The following TRPC4 variants were observed in gnomAD, a reference collection of about 807,000 sequenced individuals.
The protein encoded by TRPC4 is transient receptor potential cation channel subfamily C member 4, also known as short transient receptor potential channel 4.
A neutral mutation model predicts 99.4 loss-of-function variants in TRPC4; 49 were observed. The ratio of observed to expected loss-of-function variants is 0.49; its 90% CI spans 0.39 to 0.63. The LOEUF is 0.63. Among genes scored for constraint, TRPC4 ranks in the 20% least tolerant of loss-of-function variants. The pLI is 0.00. For missense variants in TRPC4, 898 were observed against 1,152.9 expected, an observed-to-expected ratio of 0.78 and a Z score of 3.20; for synonymous variants, 454 against 425.9, an observed-to-expected ratio of 1.07 and a Z score of -0.81.
chr13:37,638,944 C>T, intron 10 of TRPC4, 96 bp downstream of exon 10: 1 of 1,271,138 alleles, frequency 7.9e-7, no homozygotes, highest in Non-Finnish European at 1.1e-6. Flanking sequence ...CTTGCTGGAA[C>T]ACACAGCTGC....
At chr13:37,852,326 T>G (rs1186647658) in intron 1 of TRPC4, among the ~76,000 whole-genome samples, 1 of 152,088 alleles carries the variant, frequency 6.6e-6, no homozygotes, top group Non-Finnish European at 1.5e-5. Flanking sequence ...GCAGAGGCAT[T>G]CAAGGCCCTA....
intron 8 of TRPC4, among the ~76,000 whole-genome samples, chr13:37,641,323 G>A (rs565359872): frequency 1.4e-4 from 21 of 152,254 alleles, no homozygotes; most frequent in South Asian, 1.0e-3. Context: ...CCTTTCAGGC[G>A]TTATTCAGTT....
chr13:37,863,201 T>C (rs1269994825), intron 1 of TRPC4, among the ~76,000 whole-genome samples: 1 of 151,542 alleles, frequency 6.6e-6, no homozygotes, highest in Non-Finnish European at 1.5e-5. Flanking sequence ...GACTGCATGA[T>C]CATATAGAAA....
intron 5 of TRPC4, 25 bp from the exon 6 acceptor site, chr13:37,663,754 G>A: frequency 1.3e-6 from 2 of 1,573,050 alleles, no homozygotes; most frequent in Non-Finnish European, 1.7e-6. Context: ...GAAACAAAGG[G>A]AAAGTAAAAC....
chr13:37,749,663 T>C (rs995854251), intron 2 of TRPC4, among the ~76,000 whole-genome samples: 27 of 152,192 alleles, frequency 1.8e-4, no homozygotes, highest in South Asian at 6.2e-4. Context: ...ACATGGTTTT[T>C]GAAAGTCTGA....
Position 37,749,126 on chromosome 13 carries a change from C to T in TRPC4, c.379-2671G>A, listed in dbSNP as rs1955864981. Among the ~76,000 whole-genome samples the T allele has an allele frequency of 3.3e-5, 5 of 152,048 alleles. No homozygotes were observed. In the South Asian group the frequency reaches 1.0e-3, roughly 32 times the overall value. On this transcript the variant is annotated intron_variant, in intron 2 of 10. Coordinates refer to ENST00000379705, the MANE Select transcript of TRPC4 (RefSeq NM_016179.4). ...TGGCACTTCCCCTTTCTTGCTCTCT[C>T]TCTCTCCTGCTGCCATGTAAGATGT...
chr13:37,655,363 G>GTTT, intron 6 of TRPC4, 80 bp from the exon 7 acceptor site: 1 of 448,748 alleles, frequency 2.2e-6, no homozygotes, highest in Non-Finnish European at 3.1e-6. Flanking sequence ...AGCTTGGCAT[G>GTTT]ATTATATATA....
chr13:37,767,592 A>G (rs1956413442), intron 2 of TRPC4, among the ~76,000 whole-genome samples: 1 of 151,294 alleles, frequency 6.6e-6, no homozygotes, highest in Admixed American at 6.6e-5. Context: ...AAAAATATAT[A>G]TATTCCCACA....
intron 1 of TRPC4, among the ~76,000 whole-genome samples, chr13:37,862,058 A>T (rs1410805851): frequency 6.6e-6 from 1 of 151,454 alleles, no homozygotes; most frequent in East Asian, 1.9e-4. Flanking sequence ...CTTTCGATAG[A>T]CGTAGCTGTA....
chr13:37,654,517 T>C (rs1952158357), intron 7 of TRPC4, among the ~76,000 whole-genome samples: 1 of 152,162 alleles, frequency 6.6e-6, no homozygotes, highest in South Asian at 2.1e-4. Flanking sequence ...ATTGAATGAA[T>C]AAATAAATAA....
chr13:37,837,882 C>A (rs1958610513), intron 1 of TRPC4, among the ~76,000 whole-genome samples: 1 of 152,058 alleles, frequency 6.6e-6, no homozygotes, highest in African/African-American at 2.4e-5. Context: ...GTGGGAGGGA[C>A]CCAGTGGGAG....
At chr13:37,696,345 A>G (rs2138905086) in intron 3 of TRPC4, among the ~76,000 whole-genome samples, 1 of 150,842 alleles carries the variant, frequency 6.6e-6, no homozygotes. Flanking sequence ...AACTATCTAG[A>G]AAAGTGAACT....
chr13:37,689,253 T>C (rs1050525675), intron 4 of TRPC4, among the ~76,000 whole-genome samples: 2 of 152,138 alleles, frequency 1.3e-5, no homozygotes, highest in Non-Finnish European at 2.9e-5. Flanking sequence ...TGACCACCCA[T>C]AATTTAATAG....
intron 3 of TRPC4, among the ~76,000 whole-genome samples, chr13:37,739,737 C>T (rs1407793769): frequency 1.3e-5 from 2 of 151,950 alleles, no homozygotes; most frequent in Non-Finnish European, 2.9e-5. Context: ...AACTCCTGAC[C>T]TTGTGACCTG....
In TRPC4 at chr13:37,665,265, C is replaced by G. The variant is rs114367097; in HGVS notation, c.1375-1536G>C. ...TCCGTAACTATTGATAGCTGTCCCC[C>G]TATAATTGATAGCTAATTCTATCAG... On this transcript the variant is annotated intron_variant, in intron 5 of 10. Coordinates refer to ENST00000379705, the MANE Select transcript of TRPC4 (RefSeq NM_016179.4). Among the ~76,000 whole-genome samples, 579 of 152,188 alleles carry G rather than the reference C, an allele frequency of 3.8e-3. 2 individuals are homozygous for G. The highest frequency in any genetic ancestry group is 0.013 in the African/African-American group (546 of 41,514).
Position 37,638,351 on chromosome 13 carries a change from GT to G in TRPC4, c.2211+688del, listed in dbSNP as rs1157411041. On this transcript the variant is annotated intron_variant, in intron 10 of 10. Coordinates refer to ENST00000379705, the MANE Select transcript of TRPC4 (RefSeq NM_016179.4). ...AGCTAGTTTTCCACCTGCACTTTAA[GT>G]TTTGTAATTTCTCTATCTTCTTACC... 2.6e-5 allele frequency among the ~76,000 whole-genome samples: 4 copies of G among 152,162 alleles called. No individual in the cohort carries two copies. In the East Asian group the frequency reaches 7.7e-4, roughly 29 times the overall value.
chr13:37,827,433 T>G (rs1372293147), intron 1 of TRPC4, among the ~76,000 whole-genome samples: 1 of 152,302 alleles, frequency 6.6e-6, no homozygotes, highest in Non-Finnish European at 1.5e-5. Flanking sequence ...ATGATGGTGA[T>G]GTACAGATGG....
In TRPC4 at chr13:37,639,260, G is replaced by T. The variant is rs1385836967; in HGVS notation, c.2119C>A (p.Gln707Lys). 1.2e-6 allele frequency: 2 copies of T among 1,613,626 alleles called. No homozygotes were observed. Among genetic ancestry groups the T allele is most frequent in the Non-Finnish European group, 1.7e-6 (2 of 1,179,648 alleles). Residue 707 changes from glutamine to lysine, a missense_variant and splice_region_variant, in exon 9 of 11, where the codon CAA becomes AAA. Gln to Lys is a moderately conservative substitution (Grantham distance 53). Transcript: ENST00000379705. ...GACATAGTACAAGGACAACTTACTT[G>T]GTATTGGTGATGTCTTCTCAAGTTA... ...ADNLRRHHQY[Q>K]EVMRNLVKRY...
intron 2 of TRPC4, among the ~76,000 whole-genome samples, chr13:37,775,887 G>A (rs1956686666): frequency 6.6e-6 from 1 of 151,362 alleles, no homozygotes; most frequent in African/African-American, 2.4e-5. Flanking sequence ...AGTATGTTGT[G>A]CTGAGAGGAA....
Sources: gnomAD v4.1 joint callset for allele counts (sites outside exome capture counted in the v4.1 genomes callset) on GRCh38, gnomAD v4.1.1 for gene constraint, MANE v1.5 for transcripts, NCBI Gene and HGNC (gene_info 2026-07-23, HGNC 2026-07-21) for gene names.